GAS2: variants seen among roughly 807,000 people sequenced by gnomAD.
GAS2 encodes growth arrest specific 2, also known as growth arrest-specific protein 2.
A neutral mutation model predicts 37.5 loss-of-function variants in GAS2; 20 were observed. The ratio of observed to expected loss-of-function variants is 0.53; its 90% CI spans 0.37 to 0.77. GAS2 has a LOEUF of 0.77. GAS2 is among the 30% of genes least tolerant of loss of function. The pLI is 0.00. For missense variants in GAS2, 336 were observed against 373.4 expected (o/e 0.90, Z 0.82); for synonymous variants, 144 against 132.2 (o/e 1.09, Z -0.61).
chr11:22,654,354 TTCC>T (rs1391400250), intron 1 of GAS2, among the ~76,000 whole-genome samples: 1 of 151,892 alleles, frequency 6.6e-6, no homozygotes, highest in Non-Finnish European at 1.5e-5. Context: ...CTTCCTTCCT[TTCC>T]TCCCTCCCTC....
At chr11:22,646,740 T>C (rs1310572205) in intron 1 of GAS2, among the ~76,000 whole-genome samples, 1 of 152,162 alleles carries the variant, frequency 6.6e-6, no homozygotes, top group Non-Finnish European at 1.5e-5. Context: ...ACCTACTTCA[T>C]ACACCATCCA....
chr11:22,665,584 G>A (rs1848971114), upstream of GAS2, among the ~76,000 whole-genome samples: 1 of 152,094 alleles, frequency 6.6e-6, no homozygotes, highest in South Asian at 2.1e-4. Flanking sequence ...GAAAGCTAAG[G>A]AGGAAATGTG....
At chr11:22,679,658 G>A (rs1234658948) in intron 2 of GAS2, among the ~76,000 whole-genome samples, 2 of 151,898 alleles carry the variant, frequency 1.3e-5, no homozygotes, top group African/African-American at 4.8e-5. Context: ...TAAAATGATG[G>A]CTTACCTTTA....
intron 7 of GAS2, among the ~76,000 whole-genome samples, chr11:22,771,466 G>T (rs559500286): frequency 6.6e-5 from 10 of 152,174 alleles, no homozygotes; most frequent in African/African-American, 2.4e-4. Flanking sequence ...TTTTGCTCCT[G>T]ACACCATACC....
intron 2 of GAS2, among the ~76,000 whole-genome samples, chr11:22,677,466 G>C (rs10500940): frequency 0.025 from 3,777 of 152,296 alleles, 74 homozygotes; most frequent in East Asian, 0.066. Flanking sequence ...ATAATTTACA[G>C]TATGATCTAT....
At chr11:22,677,867 C>A (rs1849501564) in intron 2 of GAS2, among the ~76,000 whole-genome samples, 1 of 152,050 alleles carries the variant, frequency 6.6e-6, no homozygotes, top group Non-Finnish European at 1.5e-5. Flanking sequence ...TTTTCCAGAT[C>A]CAAAAGTCTG....
chr11:22,754,893 C>G (rs1440506420), intron 6 of GAS2, among the ~76,000 whole-genome samples: 1 of 152,138 alleles, frequency 6.6e-6, no homozygotes, highest in Non-Finnish European at 1.5e-5. Context: ...TTTGTTCTAT[C>G]TAGCTTCTAA....
At chr11:22,640,531 A>G (rs555168988) in intron 1 of GAS2, among the ~76,000 whole-genome samples, 1 of 152,300 alleles carries the variant, frequency 6.6e-6, no homozygotes, top group Admixed American at 6.5e-5. Context: ...ATGAGAGTCA[A>G]TGGAGATTCT....
In GAS2 at chr11:22,765,776, C is replaced by CAAA. The variant is rs67856426; in HGVS notation, c.723+9833_723+9835dup. ...CCTGGGTGATAGAGTGAGACTCTGT[C>CAAA]AAAAAAAAAAAAGAAAAGACAGACC... On this transcript the variant is annotated intron_variant, in intron 7 of 7. Transcript: ENST00000454584. 3.5e-3 allele frequency among the ~76,000 whole-genome samples: 488 copies of CAAA among 141,096 alleles called. 2 individuals carry two copies. The highest frequency in any genetic ancestry group is 0.011 in the African/African-American group (434 of 38,516). The allele number at this position is 141,096 out of a possible 152,430, so 92.6% of individuals were successfully genotyped here. A position where few individuals can be genotyped will look rare whatever the true frequency, so the allele number is the denominator to read the frequency against.
At chr11:22,777,038 T>C (rs1855294857) in intron 7 of GAS2, among the ~76,000 whole-genome samples, 1 of 152,168 alleles carries the variant, frequency 6.6e-6, no homozygotes, top group Non-Finnish European at 1.5e-5. Context: ...CTCAGATTGA[T>C]AATTTGCTTT....
chr11:22,683,878 T>A (rs1849816923), intron 2 of GAS2, among the ~76,000 whole-genome samples: 1 of 152,154 alleles, frequency 6.6e-6, no homozygotes, highest in Non-Finnish European at 1.5e-5. Context: ...GTTTGTAACA[T>A]ACTAAAGAAG....
chr11:22,800,254 G>A (rs569445464), intron 7 of GAS2, among the ~76,000 whole-genome samples: 16 of 152,062 alleles, frequency 1.1e-4, no homozygotes, highest in Non-Finnish European at 2.2e-4. Context: ...GAAGGTATCA[G>A]AATTGCTGTC....
At position 22,763,616 on chromosome 11, in the gene GAS2, TACACACACACACAC is replaced by T. The variant is rs34715661; in HGVS notation, c.723+7694_723+7707del. On this transcript the variant is annotated intron_variant, in intron 7 of 7. Transcript: ENST00000454584. ...AACAATTCATTTAAAAAAATACACATACACACACACACACACACACACACACACACACACACACA... is the reference window on the plus strand; with the variant it reads ...AACAATTCATTTAAAAAAATACACATACACACACACACACACACACACACA... 4.8e-4 allele frequency among the ~76,000 whole-genome samples: 69 copies of T among 143,896 alleles called. 1 individual carries two copies. Among genetic ancestry groups the T allele is most frequent in the South Asian group, 2.1e-3 (9 of 4,384 alleles). The allele number at this position is 143,896 out of a possible 152,430, so 94.4% of individuals were successfully genotyped here.
rs533326915 is a variant in GAS2 at position 22,694,386 on chromosome 11, G to C, written c.267+8597G>C. Among the ~76,000 whole-genome samples, 180 of 152,222 alleles carry C rather than the reference G, an allele frequency of 1.2e-3. 2 individuals carry two copies. Among genetic ancestry groups the C allele is most frequent in the African/African-American group, 3.4e-3 (141 of 41,532 alleles). ...GGAGAATTTCCATTCACACTAAAAT[G>C]AGGAAGCTCATTTCAATAACAGCTC... On this transcript the variant is annotated intron_variant, in intron 3 of 7. Transcript: ENST00000454584.
At chr11:22,719,015 T>G (rs1222372243) in intron 3 of GAS2, among the ~76,000 whole-genome samples, 2 of 152,122 alleles carry the variant, frequency 1.3e-5, no homozygotes, top group Non-Finnish European at 2.9e-5. Flanking sequence ...AATCTTTTTG[T>G]AGACATTTTT....
At chr11:22,742,577 G>C (rs547380845) in intron 5 of GAS2, among the ~76,000 whole-genome samples, 1 of 152,196 alleles carries the variant, frequency 6.6e-6, no homozygotes, top group South Asian at 2.1e-4. Context: ...TAGGCAGTTT[G>C]AAGTATTCAA....
At chr11:22,678,836 A>G (rs981781687) in intron 2 of GAS2, among the ~76,000 whole-genome samples, 5 of 152,038 alleles carry the variant, frequency 3.3e-5, no homozygotes, top group Non-Finnish European at 7.4e-5. Flanking sequence ...GTTCATATTC[A>G]TATAACATTT....
intron 3 of GAS2, among the ~76,000 whole-genome samples, chr11:22,696,787 GTTGT>G (rs1336900670): frequency 1.3e-5 from 2 of 152,036 alleles, no homozygotes; most frequent in African/African-American, 2.4e-5. Context: ...TTTTGATGGA[GTTGT>G]TTGTTTTTTT....
intron 4 of GAS2, among the ~76,000 whole-genome samples, chr11:22,737,503 A>C (rs1301344253): frequency 6.6e-6 from 1 of 152,118 alleles, no homozygotes; most frequent in Non-Finnish European, 1.5e-5. Flanking sequence ...TTCAAGAGGA[A>C]GCATAGGCAG....
Sources: gnomAD v4.1 joint callset for allele counts (sites outside exome capture counted in the v4.1 genomes callset) on GRCh38, gnomAD v4.1.1 for gene constraint, MANE v1.5 for transcripts, NCBI Gene and HGNC (gene_info 2026-07-23, HGNC 2026-07-21) for gene names.